FCRL4: variants seen among roughly 807,000 people sequenced by gnomAD.
The protein encoded by FCRL4 is Fc receptor-like protein 4.
In FCRL4, 43 loss-of-function variants were observed where a neutral mutation model predicts 64.1. The observed-to-expected ratio is 0.67, with a 90% confidence interval of 0.53 to 0.87. The LOEUF (loss-of-function observed/expected upper bound fraction) is 0.87, where lower values mean the gene tolerates loss of function less well. FCRL4 is among the 40% of genes least tolerant of loss of function. The pLI, the probability that FCRL4 is intolerant of heterozygous loss-of-function variation, is 0.00. For synonymous variants in FCRL4, 253 were observed against 239.8 expected, an observed-to-expected ratio of 1.05 and a Z score of -0.51; for missense variants, 656 against 613.5, an observed-to-expected ratio of 1.07 and a Z score of -0.73.
At chr1:157,575,783 C>G (rs947175924) in intron 10 of FCRL4, 53 bp from the exon 11 acceptor site, 3 of 1,578,418 alleles carry the variant, frequency 1.9e-6, no homozygotes, top group Non-Finnish European at 2.6e-6. Flanking sequence ...GCACTTAGAA[C>G]TCAGTCTGTT....
At chr1:157,588,460 A>G (rs1465589193) in intron 3 of FCRL4, among the ~76,000 whole-genome samples, 1 of 152,228 alleles carries the variant, frequency 6.6e-6, no homozygotes, top group Non-Finnish European at 1.5e-5. Context: ...AGCAGGAGCT[A>G]TGAAAGAAGT....
chr1:157,581,668 A>ACC, intron 6 of FCRL4, 24 bp from the exon 7 acceptor site: 1 of 1,583,682 alleles, frequency 6.3e-7, no homozygotes, highest in Non-Finnish European at 8.7e-7. Flanking sequence ...ACCTGTGTGA[A>ACC]TCTCAGTGGA....
At chr1:157,589,165 C>G (rs749728308) in intron 3 of FCRL4, 39 bp downstream of exon 3, 1 of 1,599,424 alleles carries the variant, frequency 6.3e-7, no homozygotes. Context: ...TAAACTGATA[C>G]CATTTATAAA....
intron 7 of FCRL4, among the ~76,000 whole-genome samples, 163 bp downstream of exon 7, chr1:157,581,368 G>T (rs1487856801): frequency 6.6e-6 from 1 of 152,172 alleles, no homozygotes; most frequent in East Asian, 1.9e-4. Context: ...TTGCAAAACT[G>T]CCCCTTAAGG....
rs2101681653 is a variant in FCRL4 at position 157,586,276 on chromosome 1, C to A, written c.1027G>T (p.Glu343Ter). ...GRKTQRSLRA[E>*]LELPAIRQSH... ...TGTCTGATGGCAGGGAGCTCCAGCT[C>A]TGCTCTCAGGGAACGCTGAGTTTTC... is the stretch of plus-strand genomic sequence containing the variant. Residue 343 changes from glutamate to a stop codon, truncating the protein, a stop_gained, in exon 6 of 12, where the codon GAG becomes TAG. Transcript: ENST00000271532. LOFTEE classifies it high-confidence loss of function. 6.2e-7 allele frequency: 1 copy of A among 1,614,110 alleles called. No homozygotes were observed. The highest frequency in any genetic ancestry group is 1.1e-5 in the South Asian group (1 of 91,076).
At chr1:157,589,535 G>C in intron 2 of FCRL4, 77 bp from the exon 3 acceptor site, 1 of 1,545,564 alleles carries the variant, frequency 6.5e-7, no homozygotes, top group Non-Finnish European at 8.8e-7. Context: ...GGGTTACAGT[G>C]GAGGACATGG....
At chr1:157,596,497 G>A in intron 1 of FCRL4, 149 bp from the exon 2 acceptor site, 1 of 806,526 alleles carries the variant, frequency 1.2e-6, no homozygotes, top group Non-Finnish European at 2.0e-6. Flanking sequence ...GGGAAACACA[G>A]TGGCCAGACG....
At chr1:157,596,180 A>G (rs1885560) in intron 2 of FCRL4, 148 bp downstream of exon 2, 644,522 of 834,640 alleles carry the variant, frequency 0.77, 250,216 homozygotes, top group East Asian at 0.91. Context: ...TTAGGGTCAG[A>G]GTCACCACAC....
At chr1:157,578,932 A>C in intron 8 of FCRL4, 80 bp from the exon 9 acceptor site, 2 of 1,142,856 alleles carry the variant, frequency 1.7e-6, no homozygotes, top group South Asian at 3.1e-5. Context: ...AGAGCGGCAG[A>C]GGAGAAAGAG....
intron 2 of FCRL4, among the ~76,000 whole-genome samples, chr1:157,595,256 CTA>C (rs1323394608): frequency 1.3e-5 from 2 of 152,216 alleles, no homozygotes; most frequent in Non-Finnish European, 2.9e-5. Context: ...ACAGAATACT[CTA>C]TGTCATCAGT....
chr1:157,593,537 G>C (rs1048620435), intron 2 of FCRL4, among the ~76,000 whole-genome samples: 2 of 152,204 alleles, frequency 1.3e-5, no homozygotes, highest in Non-Finnish European at 2.9e-5. Context: ...TTGAGGCCTA[G>C]TTATTGTTTA....
intron 4 of FCRL4, 110 bp downstream of exon 4, chr1:157,587,755 G>T (rs943941014): frequency 7.5e-6 from 9 of 1,197,838 alleles, no homozygotes; most frequent in African/African-American, 6.1e-5. Flanking sequence ...GAGGATTTGT[G>T]CCTCTCATCT....
chr1:157,582,549 C>T (rs1000763086), intron 6 of FCRL4, among the ~76,000 whole-genome samples: 4 of 152,176 alleles, frequency 2.6e-5, no homozygotes, highest in African/African-American at 7.2e-5. Context: ...AAATTCAGAC[C>T]TCAGACACAG....
chr1:157,588,111 T>C lies in FCRL4; in HGVS notation c.316A>G (p.Ile106Val), dbSNP rs1197092994. ...AACACAGAATATGGTGCCTGCAGGATTAAGGAGTCTGGAAAAGACACAGAG... is the reference window on the plus strand; with the variant it reads ...AACACAGAATATGGTGCCTGCAGGACTAAGGAGTCTGGAAAAGACACAGAG... ...VRLLFSSDSL[I>V]LQAPYSVFEG... The change falls in exon 4 of 12, where the codon ATC becomes GTC. Residue 106 changes from isoleucine to valine, a missense_variant. Physicochemically the swap from Ile to Val is conservative, Grantham distance 29. Coordinates refer to ENST00000271532, the MANE Select transcript of FCRL4 (RefSeq NM_031282.3). The C allele has an allele frequency of 6.2e-7, 1 of 1,606,940 alleles. No individual in the cohort carries two copies. The highest frequency in any genetic ancestry group is 8.5e-7 in the Non-Finnish European group (1 of 1,176,780).
At chr1:157,594,432 G>A (rs553412275) in intron 2 of FCRL4, among the ~76,000 whole-genome samples, 9 of 152,260 alleles carry the variant, frequency 5.9e-5, no homozygotes, top group African/African-American at 1.7e-4. Flanking sequence ...ATGATGCCTG[G>A]AGCTGTGGCA....
At chr1:157,594,789 C>A (rs2252955) in intron 2 of FCRL4, among the ~76,000 whole-genome samples, 4 of 152,068 alleles carry the variant, frequency 2.6e-5, no homozygotes, top group Admixed American at 6.5e-5. Context: ...AAATGCCCTT[C>A]CTCTGTTTGA....
At position 157,585,130 on chromosome 1, in the gene FCRL4, G is replaced by T. The variant is rs186733763; in HGVS notation, c.1135+1038C>A. Among the ~76,000 whole-genome samples, 20 of 152,238 alleles carry T rather than the reference G, an allele frequency of 1.3e-4. No homozygotes were observed. The East Asian group carries it at 3.7e-3, about 28-fold the overall frequency. ...GTGATGGGTTTAAGAAAAAATCAGG[G>T]AGGTAAGGAGAGTGAATTGAGGAGT... On this transcript the variant is annotated intron_variant, in intron 6 of 11. Coordinates refer to ENST00000271532, the MANE Select transcript of FCRL4 (RefSeq NM_031282.3).
intron 5 of FCRL4, among the ~76,000 whole-genome samples, chr1:157,586,856 CCTT>C (rs756006151): frequency 2.0e-5 from 3 of 152,180 alleles, no homozygotes; most frequent in Non-Finnish European, 4.4e-5. Flanking sequence ...ATCTATCTCT[CCTT>C]CTTTTCTGCT....
chr1:157,580,357 T>G lies in FCRL4; in HGVS notation c.1250-9A>C. ...TCCCAAGAAACCAACTCCTGCAAAATAAAGCAAAGACGCATTTTTGTCAGC... is the reference window on the plus strand; with the variant it reads ...TCCCAAGAAACCAACTCCTGCAAAAGAAAGCAAAGACGCATTTTTGTCAGC... On this transcript the variant is annotated splice_polypyrimidine_tract_variant and intron_variant, in intron 7 of 11. Coordinates refer to ENST00000271532, the MANE Select transcript of FCRL4 (RefSeq NM_031282.3). 1 of 1,614,064 alleles carries G rather than the reference T, an allele frequency of 6.2e-7. No homozygotes were observed. Among genetic ancestry groups the G allele is most frequent in the Non-Finnish European group, 8.5e-7 (1 of 1,179,980 alleles).
Sources: gnomAD v4.1 joint callset for allele counts (sites outside exome capture counted in the v4.1 genomes callset) on GRCh38, gnomAD v4.1.1 for gene constraint, MANE v1.5 for transcripts, NCBI Gene and HGNC (gene_info 2026-07-23, HGNC 2026-07-21) for gene names.